Variants in ASCC3 observed in about 807,000 individuals in gnomAD.
ASCC3 encodes ASC-1 complex subunit P200.
In ASCC3, 158 loss-of-function variants were observed where a neutral mutation model predicts 256.3. The observed-to-expected ratio is 0.62, with a 90% CI of 0.54 to 0.70. The LOEUF (loss-of-function observed/expected upper bound fraction) is 0.70, where lower values mean the gene tolerates loss of function less well. Ranked by LOEUF, ASCC3 falls within the 30% of genes least tolerant of loss-of-function variation. The pLI is 0.00. For missense variants in ASCC3, 2,259 were observed against 2,626.0 expected, an observed-to-expected ratio of 0.86 and a Z score of 3.05; for synonymous variants, 948 against 883.4, an observed-to-expected ratio of 1.07 and a Z score of -1.30.
chr6:100,520,976 A>G (rs943270327), intron 37 of ASCC3, among the ~76,000 whole-genome samples: 7 of 152,164 alleles, frequency 4.6e-5, no homozygotes, highest in African/African-American at 1.7e-4. Context: ...GTATAGGCTT[A>G]TTGATGGCAA....
intron 5 of ASCC3, among the ~76,000 whole-genome samples, chr6:100,805,439 T>C (rs1770129407): frequency 1.3e-5 from 2 of 152,014 alleles, no homozygotes; most frequent in South Asian, 2.1e-4. Flanking sequence ...ACAGAATCCA[T>C]ATCCCAAACC....
intron 24 of ASCC3, among the ~76,000 whole-genome samples, chr6:100,640,225 A>AAAAT (rs147889494): frequency 9.2e-5 from 14 of 152,236 alleles, no homozygotes; most frequent in African/African-American, 2.2e-4. Flanking sequence ...AAAAGACTAA[A>AAAAT]AAATAAATAA....
intron 8 of ASCC3, among the ~76,000 whole-genome samples, chr6:100,775,690 C>G (rs1264171607): frequency 6.6e-6 from 1 of 151,978 alleles, no homozygotes; most frequent in African/African-American, 2.4e-5. Flanking sequence ...TCCAAAACTT[C>G]CTAACATATT....
At chr6:100,703,616 C>G (rs1001166141) in intron 13 of ASCC3, among the ~76,000 whole-genome samples, 2 of 151,782 alleles carry the variant, frequency 1.3e-5, no homozygotes, top group Non-Finnish European at 2.9e-5. Flanking sequence ...TAATTAAATT[C>G]TCTTTGATAA....
At chr6:100,613,067 TTTC>T (rs1339822196) in intron 30 of ASCC3, among the ~76,000 whole-genome samples, 3 of 151,698 alleles carry the variant, frequency 2.0e-5, no homozygotes, top group Non-Finnish European at 2.9e-5. Context: ...TCTTTCTTTC[TTTC>T]TTTTTTTTTT....
intron 36 of ASCC3, among the ~76,000 whole-genome samples, chr6:100,568,915 C>A (rs1770428073): frequency 1.3e-5 from 2 of 151,596 alleles, no homozygotes; most frequent in Admixed American, 6.6e-5. Flanking sequence ...GTAACTGGGA[C>A]TACGGGCACC....
At chr6:100,835,857 A>G (rs1771850007) in intron 4 of ASCC3, among the ~76,000 whole-genome samples, 1 of 152,162 alleles carries the variant, frequency 6.6e-6, no homozygotes, top group African/African-American at 2.4e-5. Flanking sequence ...CATGTAATCA[A>G]CATTAATTCT....
In ASCC3 at chr6:100,749,911, TAAAATATAAATTC is replaced by T. The variant is rs948718250; in HGVS notation, c.1737+16641_1737+16653del. On this transcript the variant is annotated intron_variant, in intron 10 of 41. Coordinates refer to ENST00000369162, the MANE Select transcript of ASCC3 (RefSeq NM_006828.4). Reference sequence around the variant, plus strand: ...ACATATAAAATTAATATTTAATGTGTAAAATATAAATTCAAAATATAAATTCAAGAGAAACTAG... The same window carrying T: ...ACATATAAAATTAATATTTAATGTGTAAAATATAAATTCAAGAGAAACTAG... Among the ~76,000 whole-genome samples the T allele has an allele frequency of 3.0e-4, 45 of 151,764 alleles. 1 individual carries two copies. The highest frequency in any genetic ancestry group is 7.2e-4 in the Admixed American group (11 of 15,246).
intron 3 of ASCC3, chr6:100,856,324 T>C: frequency 3.5e-6 from 3 of 866,786 alleles, no homozygotes. Flanking sequence ...AACACCAATT[T>C]ATTATACTTA....
At chr6:100,595,884 T>C (rs942219960) in intron 34 of ASCC3, among the ~76,000 whole-genome samples, 2 of 152,190 alleles carry the variant, frequency 1.3e-5, no homozygotes, top group African/African-American at 4.8e-5. Context: ...TTCCAATTTT[T>C]ATTTTTATAA....
rs1487030837 is a variant in ASCC3 at position 100,864,350 on chromosome 6, C to G, written c.91-136G>C. 1.1e-5 allele frequency: 8 copies of G among 707,528 alleles called. No homozygotes were observed. In the East Asian group the frequency reaches 2.1e-4, roughly 18 times the overall value. The allele number at this position is 707,528 out of a possible 1,614,324, so 43.8% of individuals were successfully genotyped here. ...ATTCAAAGTTGTATCTATTCACATC[C>G]AAACTGACTACTCACAAAACAATTT... On this transcript the variant is annotated intron_variant, in intron 2 of 41. Transcript: ENST00000369162.
chr6:100,691,055 T>G (rs1394971438), intron 13 of ASCC3, among the ~76,000 whole-genome samples: 2 of 152,020 alleles, frequency 1.3e-5, no homozygotes, highest in Non-Finnish European at 2.9e-5. Flanking sequence ...ACTTTACATC[T>G]CCTAAAATCT....
At chr6:100,688,727 C>T (rs17060914) in intron 13 of ASCC3, among the ~76,000 whole-genome samples, 4,297 of 152,212 alleles carry the variant, frequency 0.028, 177 homozygotes, top group East Asian at 0.19. Flanking sequence ...ACAGGCACTG[C>T]GGACATATAA....
intron 8 of ASCC3, among the ~76,000 whole-genome samples, chr6:100,783,347 A>G (rs751677012): frequency 6.6e-6 from 1 of 152,136 alleles, no homozygotes; most frequent in Non-Finnish European, 1.5e-5. Flanking sequence ...TCTACCTCCA[A>G]TATTTGTGAC....
chr6:100,752,737 A>G (rs2115097069), intron 10 of ASCC3, among the ~76,000 whole-genome samples: 1 of 152,204 alleles, frequency 6.6e-6, no homozygotes, highest in South Asian at 2.1e-4. Flanking sequence ...ATTTTGATCA[A>G]ATTATAAGAA....
chr6:100,809,250 C>T (rs1403131168), intron 4 of ASCC3, among the ~76,000 whole-genome samples: 1 of 151,960 alleles, frequency 6.6e-6, no homozygotes, highest in Non-Finnish European at 1.5e-5. Flanking sequence ...TTACATTTAA[C>T]TGTTTGACTC....
chr6:100,649,878 T>C (rs903900444), intron 20 of ASCC3, among the ~76,000 whole-genome samples: 2 of 151,632 alleles, frequency 1.3e-5, no homozygotes, highest in African/African-American at 4.8e-5. Flanking sequence ...GGGTAAAATA[T>C]AACCTACTTT....
intron 36 of ASCC3, among the ~76,000 whole-genome samples, chr6:100,561,330 T>C (rs1210972627): frequency 6.6e-6 from 1 of 152,156 alleles, no homozygotes; most frequent in Non-Finnish European, 1.5e-5. Flanking sequence ...CATACATATA[T>C]ATTTTAACAC....
intron 8 of ASCC3, among the ~76,000 whole-genome samples, chr6:100,774,419 G>A (rs1325412088): frequency 6.6e-6 from 1 of 151,980 alleles, no homozygotes; most frequent in East Asian, 1.9e-4. Flanking sequence ...AGTCTGGAGT[G>A]CAATGGCACT....
Sources: gnomAD v4.1 joint callset for allele counts (sites outside exome capture counted in the v4.1 genomes callset) on GRCh38, gnomAD v4.1.1 for gene constraint, MANE v1.5 for transcripts, NCBI Gene and HGNC (gene_info 2026-07-23, HGNC 2026-07-21) for gene names.